Variants in C8orf34 observed in about 807,000 individuals in gnomAD.
C8orf34 encodes uncharacterized protein C8orf34.
Under a neutral mutation model 68.3 loss-of-function variants are expected in C8orf34, and 65 were observed. The observed-to-expected ratio is 0.95, with a 90% confidence interval of 0.78 to 1.17. The LOEUF (loss-of-function observed/expected upper bound fraction) is 1.17. Among genes scored for constraint, C8orf34 ranks in the 50% most tolerant of loss-of-function variants. C8orf34 has a pLI of 0.00. For synonymous variants in C8orf34, 244 were observed against 241.2 expected (o/e 1.01, Z -0.11); for missense variants, 664 against 655.4 (o/e 1.01, Z -0.14).
At chr8:68,469,602 A>G (rs1812293092) in intron 4 of C8orf34, among the ~76,000 whole-genome samples, 1 of 152,080 alleles carries the variant, frequency 6.6e-6, no homozygotes, top group African/African-American at 2.4e-5. Context: ...GTGAGTTAAA[A>G]GTATTCCTAC....
At chr8:68,784,812 G>T (rs1010490998) in intron 11 of C8orf34, among the ~76,000 whole-genome samples, 6 of 151,720 alleles carry the variant, frequency 4.0e-5, no homozygotes, top group Non-Finnish European at 8.8e-5. Context: ...ATGTGTGTGT[G>T]TGTGTGTGTG....
intron 12 of C8orf34, among the ~76,000 whole-genome samples, chr8:68,797,514 C>G (rs73683727): frequency 0.01 from 1,550 of 151,514 alleles, 23 homozygotes; most frequent in African/African-American, 0.036. Context: ...CCATTGGCCA[C>G]CCAGAATGTG....
chr8:68,747,968 C>A (rs1158595432), intron 10 of C8orf34, among the ~76,000 whole-genome samples: 1 of 151,948 alleles, frequency 6.6e-6, no homozygotes, highest in Non-Finnish European at 1.5e-5. Context: ...AGACATCACA[C>A]TACCTGACTT....
At chr8:68,475,912 C>G (rs1283910753) in intron 4 of C8orf34, among the ~76,000 whole-genome samples, 1 of 152,096 alleles carries the variant, frequency 6.6e-6, no homozygotes, top group East Asian at 1.9e-4. Context: ...CTGGCTGGAG[C>G]CTTTCCAAGG....
chr8:68,583,800 T>C, intron 7 of C8orf34, among the ~76,000 whole-genome samples: 1 of 152,088 alleles, frequency 6.6e-6, no homozygotes, highest in East Asian at 1.9e-4. Context: ...AATATCGTGG[T>C]CTCATTTTCA....
At chr8:68,573,558 T>G (rs752521792) in intron 7 of C8orf34, among the ~76,000 whole-genome samples, 5 of 152,204 alleles carry the variant, frequency 3.3e-5, no homozygotes, top group Non-Finnish European at 7.4e-5. Flanking sequence ...TTGTTTGTTA[T>G]GATAATAGAT....
chr8:68,604,061 C>T (rs1322066204), intron 7 of C8orf34, among the ~76,000 whole-genome samples: 1 of 151,994 alleles, frequency 6.6e-6, no homozygotes, highest in Non-Finnish European at 1.5e-5. Flanking sequence ...GATAAAAACA[C>T]CATGGAAATT....
At chr8:68,508,527 A>G (rs1814121523) in intron 5 of C8orf34, among the ~76,000 whole-genome samples, 3 of 152,320 alleles carry the variant, frequency 2.0e-5, no homozygotes, top group Admixed American at 1.3e-4. Context: ...GCTGAATACA[A>G]TAAATATTTC....
intron 7 of C8orf34, among the ~76,000 whole-genome samples, chr8:68,552,524 A>C (rs891164031): frequency 2.0e-5 from 3 of 152,078 alleles, no homozygotes; most frequent in African/African-American, 7.2e-5. Flanking sequence ...CATTTTGTAC[A>C]CTAATTTTTT....
At chr8:68,479,015 C>T (rs918895886) in intron 4 of C8orf34, among the ~76,000 whole-genome samples, 1 of 151,846 alleles carries the variant, frequency 6.6e-6, no homozygotes, top group Non-Finnish European at 1.5e-5. Flanking sequence ...TTTATTTTTC[C>T]CTATTTTTTA....
In C8orf34 at chr8:68,799,392, A is replaced by G. The variant is rs1377230956; in HGVS notation, c.1549+11856A>G. 2.0e-5 allele frequency among the ~76,000 whole-genome samples: 3 copies of G among 152,184 alleles called. No homozygotes were observed. In the East Asian group the frequency reaches 5.8e-4, roughly 29 times the overall value. ...AGGAATGTATTGGCTGACTGCAAGC[A>G]AAGCCTATTGTTTTTCTCTATGGAT... is the stretch of plus-strand genomic sequence containing the variant. On this transcript the variant is annotated intron_variant, in intron 12 of 13. Transcript: ENST00000518698.
At chr8:68,531,135 G>A (rs11992254) in intron 6 of C8orf34, among the ~76,000 whole-genome samples, 30,875 of 151,824 alleles carry the variant, frequency 0.2, 4,184 homozygotes, top group African/African-American at 0.39. Flanking sequence ...ATTCTTCAGC[G>A]TGTATTTCTT....
intron 11 of C8orf34, among the ~76,000 whole-genome samples, chr8:68,782,769 C>T (rs1379910336): frequency 2.6e-5 from 4 of 152,020 alleles, no homozygotes; most frequent in Non-Finnish European, 5.9e-5. Context: ...ATGAAAATCA[C>T]TTTTGAGGCT....
chr8:68,676,419 T>A (rs907655247), intron 8 of C8orf34, among the ~76,000 whole-genome samples: 1 of 152,058 alleles, frequency 6.6e-6, no homozygotes, highest in Non-Finnish European at 1.5e-5. Flanking sequence ...TAGACCCCAA[T>A]ACAATAATAA....
chr8:68,351,534 C>G (rs181114414), intron 1 of C8orf34, among the ~76,000 whole-genome samples: 99 of 152,170 alleles, frequency 6.5e-4, no homozygotes, highest in African/African-American at 2.0e-3. Flanking sequence ...TTTTCATGAA[C>G]AATATCCTGA....
chr8:68,595,588 A>T (rs1441441262), intron 7 of C8orf34, among the ~76,000 whole-genome samples: 1 of 151,984 alleles, frequency 6.6e-6, no homozygotes, highest in Non-Finnish European at 1.5e-5. Context: ...CATTCTTTAG[A>T]TATTCCCCTG....
At chr8:68,526,101 G>C (rs908871180) in intron 6 of C8orf34, among the ~76,000 whole-genome samples, 1 of 151,604 alleles carries the variant, frequency 6.6e-6, no homozygotes, top group Non-Finnish European at 1.5e-5. Flanking sequence ...GGGACTACAG[G>C]TGTGCCCCAC....
intron 10 of C8orf34, among the ~76,000 whole-genome samples, chr8:68,775,070 GAAA>G (rs35109353): frequency 5.6e-5 from 7 of 124,252 alleles, no homozygotes; most frequent in East Asian, 2.2e-4. Flanking sequence ...GTAAGCCCAG[GAAA>G]AAAAAAAAAA....
chr8:68,699,685 C>T (rs1820933170), intron 8 of C8orf34, among the ~76,000 whole-genome samples: 1 of 152,032 alleles, frequency 6.6e-6, no homozygotes, highest in Non-Finnish European at 1.5e-5. Flanking sequence ...CAGAAGAGAC[C>T]AAACACAAAA....
Sources: gnomAD v4.1 joint callset for allele counts (sites outside exome capture counted in the v4.1 genomes callset) on GRCh38, gnomAD v4.1.1 for gene constraint, MANE v1.5 for transcripts, NCBI Gene and HGNC (gene_info 2026-07-23, HGNC 2026-07-21) for gene names.